TMEM131L: variants seen among roughly 807,000 people sequenced by gnomAD.
TMEM131L encodes the protein transmembrane 131 like.
TMEM131L carries 54 observed loss-of-function variants against 192.2 expected under a neutral mutation model. The observed-to-expected ratio is 0.28, with a 90% CI of 0.23 to 0.35. The LOEUF is 0.35. Among genes scored for constraint, TMEM131L ranks in the 10% least tolerant of loss-of-function variants. The pLI is 1.00. For synonymous variants in TMEM131L, 701 were observed against 704.9 expected, an observed-to-expected ratio of 0.99 and a Z score of 0.09; for missense variants, 1,888 against 1,972.9, an observed-to-expected ratio of 0.96 and a Z score of 0.82.
chr4:153,584,986 C>T (rs114714885), intron 12 of TMEM131L, 55 bp downstream of exon 12: 1 of 1,334,772 alleles, frequency 7.5e-7, no homozygotes, highest in African/African-American at 1.4e-5. Flanking sequence ...GTTGTTTTCC[C>T]CTCTAGAAAT....
Position 153,580,806 on chromosome 4 carries a change from C to T in TMEM131L, c.661-20C>T. On this transcript the variant is annotated intron_variant, in intron 7 of 34. Transcript: ENST00000409959. ...GAGCCTTTTACTTAAAGTTCTTTTC[C>T]TCCTTTTTTCTTCTTTTAGGCAGAA... is the stretch of plus-strand genomic sequence containing the variant. 1 of 1,529,682 alleles carries T rather than the reference C, an allele frequency of 6.5e-7. No homozygotes were observed. 94.8% of individuals were successfully genotyped at this position (1,529,682 alleles called of 1,614,324 possible). A position where few individuals can be genotyped will look rare whatever the true frequency, so the allele number is the denominator to read the frequency against.
At chr4:153,471,111 C>T (rs1731130906) in intron 2 of TMEM131L, among the ~76,000 whole-genome samples, 1 of 152,090 alleles carries the variant, frequency 6.6e-6, no homozygotes. Flanking sequence ...CCTGAGCCTC[C>T]TGAGTAGCTG....
chr4:153,563,521 A>G (rs1316974194), intron 7 of TMEM131L, among the ~76,000 whole-genome samples: 1 of 121,236 alleles, frequency 8.2e-6, no homozygotes, highest in Non-Finnish European at 1.6e-5. Context: ...AGGCTGGAGT[A>G]CAGTGCTACT....
At chr4:153,569,312 G>T (rs552492987) in intron 7 of TMEM131L, among the ~76,000 whole-genome samples, 2 of 152,216 alleles carry the variant, frequency 1.3e-5, no homozygotes, top group East Asian at 1.9e-4. Flanking sequence ...CCCCTCCCCT[G>T]ATTTCTTTGT....
chr4:153,626,246 C>T lies in TMEM131L; in HGVS notation c.4124+21C>T, dbSNP rs989649086. The stretch of plus-strand genomic sequence containing the variant: ...CCCATGTAAGTTTTTTATTTTCCAG[C>T]TTTTACAGTATGTTTTGTGTACTGC... On this transcript the variant is annotated intron_variant, in intron 30 of 34. Transcript: ENST00000409959. 2.0e-6 allele frequency: 3 copies of T among 1,474,238 alleles called. No individual in the cohort carries two copies. In the African/African-American group the frequency reaches 4.2e-5, roughly 20 times the overall value. 91.3% of individuals were successfully genotyped at this position (1,474,238 alleles called of 1,614,324 possible).
At chr4:153,584,711 A>G in intron 11 of TMEM131L, 124 bp from the exon 12 acceptor site, 1 of 565,000 alleles carries the variant, frequency 1.8e-6, no homozygotes, top group Non-Finnish European at 3.0e-6. Context: ...TTTATGTCTG[A>G]TTCACTATTT....
Position 153,516,978 on chromosome 4 carries a change from C to T in TMEM131L, c.240-33095C>T, listed in dbSNP as rs536613538. On this transcript the variant is annotated intron_variant, in intron 3 of 34. Coordinates refer to ENST00000409959, the MANE Select transcript of TMEM131L (RefSeq NM_001131007.2). ...AGTAGCTGGGATTACAGGTGCGCGC[C>T]ACCATGCCTGGCTAATTTTTGTATT... 2.0e-3 allele frequency among the ~76,000 whole-genome samples: 308 copies of T among 152,226 alleles called. 2 individuals carry two copies. Among genetic ancestry groups the T allele is most frequent in the Middle Eastern group, 3.4e-3 (1 of 294 alleles).
intron 19 of TMEM131L, among the ~76,000 whole-genome samples, chr4:153,594,982 C>A (rs1332977098): frequency 2.0e-5 from 3 of 152,108 alleles, no homozygotes; most frequent in African/African-American, 7.2e-5. Flanking sequence ...TATTTTAAAT[C>A]TAAATATTCT....
chr4:153,599,855 C>T (rs531277245), intron 21 of TMEM131L, among the ~76,000 whole-genome samples: 3 of 151,976 alleles, frequency 2.0e-5, no homozygotes, highest in African/African-American at 4.8e-5. Context: ...GTCAGGAGTT[C>T]GAGACCAGCC....
At chr4:153,579,141 G>C (rs774934163) in intron 7 of TMEM131L, among the ~76,000 whole-genome samples, 14 of 151,802 alleles carry the variant, frequency 9.2e-5, no homozygotes, top group Non-Finnish European at 1.9e-4. Context: ...TGGGTGGATT[G>C]CTTGAGCCCA....
At chr4:153,486,973 CG>C (rs1732382500) in intron 3 of TMEM131L, among the ~76,000 whole-genome samples, 1 of 152,306 alleles carries the variant, frequency 6.6e-6, no homozygotes, top group South Asian at 2.1e-4. Context: ...CAGTGTTTCT[CG>C]AAGCCTGGTC....
chr4:153,618,967 G>T (rs979130089), intron 26 of TMEM131L, among the ~76,000 whole-genome samples: 8 of 152,042 alleles, frequency 5.3e-5, no homozygotes, highest in Non-Finnish European at 1.0e-4. Context: ...ACTCTTTCTG[G>T]GATATGTCTC....
At chr4:153,625,521 C>T (rs9654223) in intron 29 of TMEM131L, among the ~76,000 whole-genome samples, 77,052 of 151,976 alleles carry the variant, frequency 0.51, 20,249 homozygotes, top group African/African-American at 0.63. Flanking sequence ...ATGCAGTCTT[C>T]AAGTTGCATT....
rs186601825 is a variant in TMEM131L, at chr4:153,627,589, G to A, written c.4125-16G>A. 2,332 of 1,606,232 alleles carry A rather than the reference G, an allele frequency of 1.5e-3. 2 individuals are homozygous for A. Among genetic ancestry groups the A allele is most frequent in the Non-Finnish European group, 1.8e-3 (2,091 of 1,173,108 alleles). On this transcript the variant is annotated splice_polypyrimidine_tract_variant and intron_variant, in intron 30 of 34. Coordinates refer to ENST00000409959, the MANE Select transcript of TMEM131L (RefSeq NM_001131007.2). ...AGAAAAAATGAGTCGTTCCTCCTTT[G>A]CCCTCTTCCCCACAGGACCGTGAAT... is the stretch of plus-strand genomic sequence containing the variant.
chr4:153,566,516 T>TGA (rs1554034166), intron 7 of TMEM131L, among the ~76,000 whole-genome samples: 13 of 112,824 alleles, frequency 1.2e-4, no homozygotes, highest in Non-Finnish European at 2.0e-4. Flanking sequence ...TGTGTGAGTG[T>TGA]GAGTGTGTGT....
chr4:153,572,602 AT>A (rs1729664377), intron 7 of TMEM131L, among the ~76,000 whole-genome samples: 1 of 152,122 alleles, frequency 6.6e-6, no homozygotes, highest in Non-Finnish European at 1.5e-5. Context: ...AAGTGCTGGT[AT>A]TTCAGGCATG....
chr4:153,511,149 A>G (rs115027762), intron 3 of TMEM131L, among the ~76,000 whole-genome samples: 5,307 of 152,324 alleles, frequency 0.035, 305 homozygotes, highest in African/African-American at 0.12. Context: ...TCAAAGAAAT[A>G]TAAGTTGTTC....
chr4:153,612,149 T>A, intron 25 of TMEM131L, 103 bp from the exon 26 acceptor site: 1 of 782,724 alleles, frequency 1.3e-6, no homozygotes, highest in South Asian at 2.5e-5. Flanking sequence ...TAAATTTAAT[T>A]TAACTCTCAT....
intron 3 of TMEM131L, among the ~76,000 whole-genome samples, chr4:153,522,204 C>T (rs981051534): frequency 5.3e-5 from 8 of 152,136 alleles, no homozygotes; most frequent in Admixed American, 6.5e-5. Context: ...AGTGGGAACC[C>T]TCAACCGCCA....
Sources: gnomAD v4.1 joint callset for allele counts (sites outside exome capture counted in the v4.1 genomes callset) on GRCh38, gnomAD v4.1.1 for gene constraint, MANE v1.5 for transcripts, NCBI Gene and HGNC (gene_info 2026-07-23, HGNC 2026-07-21) for gene names.